The following CEP83 variants were observed in gnomAD, a reference collection of about 807,000 sequenced individuals.
The protein encoded by CEP83 is centrosomal protein of 83 kDa.
A neutral mutation model predicts 101.9 loss-of-function variants in CEP83; 70 were observed. That is an observed-to-expected ratio of 0.69 (90% CI 0.57 to 0.84). The LOEUF (loss-of-function observed/expected upper bound fraction) is 0.84. CEP83 is among the 40% of genes least tolerant of loss of function. The probability of loss-of-function intolerance (pLI) is 0.00; values close to 1 mark genes in which losing one functional copy is unlikely to be tolerated. For missense variants in CEP83, 715 were observed against 787.2 expected (o/e 0.91, Z 1.10); for synonymous variants, 264 against 267.9 (o/e 0.99, Z 0.14).
chr12:94,310,121 AG>A lies in CEP83; in HGVS notation c.1812-15del. On this transcript the variant is annotated splice_polypyrimidine_tract_variant and intron_variant, in intron 15 of 16. Coordinates refer to ENST00000397809, the MANE Select transcript of CEP83 (RefSeq NM_016122.3). ...GGAACATTTTGTCTTAAAAAGAAAA[AG>A]AAATGTTTCTTTAACATGGTTATAC... 6.9e-7 allele frequency: 1 copy of A among 1,439,464 alleles called. No homozygotes were observed. Among genetic ancestry groups the A allele is most frequent in the South Asian group, 1.2e-5 (1 of 81,824 alleles). 89.2% of individuals were successfully genotyped at this position (1,439,464 alleles called of 1,614,324 possible). A position where few individuals can be genotyped will look rare whatever the true frequency, so the allele number is the denominator to read the frequency against.
intron 14 of CEP83, among the ~76,000 whole-genome samples, chr12:94,314,267 G>A (rs1166086282): frequency 2.0e-5 from 3 of 152,050 alleles, no homozygotes; most frequent in South Asian, 2.1e-4. Context: ...GAATAGAAAC[G>A]TAAAGCTCAA....
At chr12:94,403,289 A>T in intron 4 of CEP83, 27 bp from the exon 5 acceptor site, 1 of 956,192 alleles carries the variant, frequency 1.0e-6, no homozygotes, top group Non-Finnish European at 1.7e-6. Context: ...TGCAAACAAT[A>T]TAAAATCACA....
chr12:94,407,849 C>G (rs1435060405), intron 4 of CEP83: 1 of 152,380 alleles, frequency 6.6e-6, no homozygotes, highest in Non-Finnish European at 1.5e-5. Flanking sequence ...GAAAGAGTCT[C>G]GCTCTGTCGC....
At position 94,390,019 on chromosome 12, in the gene CEP83, C is replaced by G. The variant is rs558960159; in HGVS notation, c.549+10831G>C. Reference sequence around the variant, plus strand: ...CTCAACAGGACCTACTGCCTCTAGACACCACCTCTGTGGGTGGGGCATAGC... The same window carrying G: ...CTCAACAGGACCTACTGCCTCTAGAGACCACCTCTGTGGGTGGGGCATAGC... On this transcript the variant is annotated intron_variant, in intron 6 of 16. Coordinates refer to ENST00000397809, the MANE Select transcript of CEP83 (RefSeq NM_016122.3). Among the ~76,000 whole-genome samples, 48 of 152,356 alleles carry G rather than the reference C, an allele frequency of 3.2e-4. No individual in the cohort carries two copies. The South Asian group carries it at 3.7e-3, about 12-fold the overall frequency.
chr12:94,438,882 A>C (rs1338645388), intron 1 of CEP83, among the ~76,000 whole-genome samples: 1 of 152,238 alleles, frequency 6.6e-6, no homozygotes. Context: ...CTTCAAAACT[A>C]TACAAATATA....
intron 2 of CEP83, among the ~76,000 whole-genome samples, chr12:94,433,492 G>A (rs1408749448): frequency 6.6e-6 from 1 of 151,922 alleles, no homozygotes; most frequent in Non-Finnish European, 1.5e-5. Flanking sequence ...AACAGCCTGG[G>A]CAACATGGTG....
chr12:94,343,060 T>C (rs2059755755), intron 11 of CEP83, among the ~76,000 whole-genome samples: 1 of 151,924 alleles, frequency 6.6e-6, no homozygotes, highest in African/African-American at 2.4e-5. Flanking sequence ...AGATCCTATG[T>C]GTACAGACAC....
intron 11 of CEP83, among the ~76,000 whole-genome samples, chr12:94,342,717 TA>T (rs2059737331): frequency 6.6e-6 from 1 of 151,210 alleles, no homozygotes; most frequent in Non-Finnish European, 1.5e-5. Flanking sequence ...AATAAGAGGA[TA>T]AAAGTATACC....
chr12:94,306,190 G>A (rs1200462581), downstream of CEP83: 3 of 151,604 alleles, frequency 2.0e-5, no homozygotes, highest in African/African-American at 7.3e-5. Flanking sequence ...TTAGATTTCT[G>A]GTGAACCCTG....
At chr12:94,340,509 T>C (rs1196124796) in intron 11 of CEP83, among the ~76,000 whole-genome samples, 1 of 151,636 alleles carries the variant, frequency 6.6e-6, no homozygotes, top group Non-Finnish European at 1.5e-5. Context: ...CAATCTTGGC[T>C]CACTGTAACC....
chr12:94,325,417 T>A (rs1035479118), intron 14 of CEP83, among the ~76,000 whole-genome samples: 3 of 151,874 alleles, frequency 2.0e-5, no homozygotes, highest in Non-Finnish European at 4.4e-5. Context: ...AGGTGATCTG[T>A]CCGCCTTGGC....
intron 13 of CEP83, 83 bp from the exon 14 acceptor site, chr12:94,331,912 C>T: frequency 4.8e-6 from 6 of 1,255,062 alleles, no homozygotes; most frequent in Non-Finnish European, 6.9e-6. Flanking sequence ...TAAGCAAACT[C>T]ACTACCTGTC....
At chr12:94,358,004 T>C (rs1162127781) in intron 11 of CEP83, among the ~76,000 whole-genome samples, 1 of 152,126 alleles carries the variant, frequency 6.6e-6, no homozygotes, top group Non-Finnish European at 1.5e-5. Flanking sequence ...GAAATAACTA[T>C]TGAAGGAAAG....
At chr12:94,323,849 T>C (rs902596391) in intron 14 of CEP83, among the ~76,000 whole-genome samples, 2 of 152,348 alleles carry the variant, frequency 1.3e-5, no homozygotes, top group South Asian at 2.1e-4. Flanking sequence ...ATTTATAAGA[T>C]TGAAAATTCC....
chr12:94,408,301 C>T (rs904567810), intron 4 of CEP83, among the ~76,000 whole-genome samples: 5 of 152,160 alleles, frequency 3.3e-5, no homozygotes, highest in African/African-American at 7.2e-5. Context: ...TACTTTAAGG[C>T]GGCAAATACT....
At position 94,325,242 on chromosome 12, in the gene CEP83, G is replaced by A. The variant is rs186404788; in HGVS notation, c.1707+6458C>T. 3.0e-3 allele frequency among the ~76,000 whole-genome samples: 451 copies of A among 150,410 alleles called. 3 individuals are homozygous for A. Among genetic ancestry groups the A allele is most frequent in the Non-Finnish European group, 4.2e-3 (284 of 67,770 alleles). Reference sequence around the variant, plus strand: ...GCTGGAATGTGCTGCCACCATCTCCGCTCACTGCAACCTCTGCCTCCAGGG... The same window carrying A: ...GCTGGAATGTGCTGCCACCATCTCCACTCACTGCAACCTCTGCCTCCAGGG... On this transcript the variant is annotated intron_variant, in intron 14 of 16. Transcript: ENST00000397809.
chr12:94,335,677 A>C lies in CEP83; in HGVS notation c.1344-13T>G, dbSNP rs1260348801. ...CTGAAGTTTTAACCTAAAAATCACA[A>C]CCCAACAAAAGGCATTATTAAGAAT... On this transcript the variant is annotated splice_polypyrimidine_tract_variant and intron_variant, in intron 11 of 16. Coordinates refer to ENST00000397809, the MANE Select transcript of CEP83 (RefSeq NM_016122.3). 2.0e-6 allele frequency: 3 copies of C among 1,532,838 alleles called. No individual in the cohort carries two copies. Among genetic ancestry groups the C allele is most frequent in the African/African-American group, 1.4e-5 (1 of 72,022 alleles). 95.0% of individuals were successfully genotyped at this position (1,532,838 alleles called of 1,614,324 possible). A position where few individuals can be genotyped will look rare whatever the true frequency, so the allele number is the denominator to read the frequency against.
At chr12:94,413,863 C>CACAT (rs1249458075) in intron 2 of CEP83, among the ~76,000 whole-genome samples, 3 of 145,194 alleles carry the variant, frequency 2.1e-5, no homozygotes, top group East Asian at 4.0e-4. Context: ...CACACACACA[C>CACAT]ACATACATAC....
intron 11 of CEP83, among the ~76,000 whole-genome samples, chr12:94,337,294 CTAAG>C (rs1195007603): frequency 1.3e-5 from 2 of 152,202 alleles, no homozygotes; most frequent in Non-Finnish European, 1.5e-5. Context: ...AAAATATGAA[CTAAG>C]TAAGAGCACC....
Sources: gnomAD v4.1 joint callset for allele counts (sites outside exome capture counted in the v4.1 genomes callset) on GRCh38, gnomAD v4.1.1 for gene constraint, MANE v1.5 for transcripts, NCBI Gene and HGNC (gene_info 2026-07-23, HGNC 2026-07-21) for gene names.